Variants in ALLC observed in about 807,000 individuals in gnomAD.
ALLC encodes the protein allantoicase.
In ALLC, 40 loss-of-function variants were observed where a neutral mutation model predicts 45.0. The observed-to-expected ratio is 0.89, with a 90% CI of 0.69 to 1.16. The LOEUF (loss-of-function observed/expected upper bound fraction) is 1.16. Among genes scored for constraint, ALLC ranks in the 50% most tolerant of loss-of-function variants. The pLI, the probability that ALLC is intolerant of heterozygous loss-of-function variation, is 0.00. For missense variants in ALLC, 488 were observed against 493.1 expected (o/e 0.99, Z 0.10); for synonymous variants, 176 against 178.1 (o/e 0.99, Z 0.09).
In ALLC at chr2:3,689,481, A is replaced by T. The variant is rs568798103; in HGVS notation, c.512-6236A>T. Among the ~76,000 whole-genome samples, 211 of 151,102 alleles carry T rather than the reference A, an allele frequency of 1.4e-3. 11 individuals are homozygous for T. The highest frequency in any genetic ancestry group is 2.7e-3 in the Non-Finnish European group (182 of 67,584). ...ACTGACCCATTTGTTGTTCAGGAGC[A>T]TGTTGTTTAATTTACATGTGTTTGT... is the stretch of plus-strand genomic sequence containing the variant. On this transcript the variant is annotated intron_variant, in intron 7 of 11. Coordinates refer to ENST00000252505, the MANE Select transcript of ALLC (RefSeq NM_018436.4).
At chr2:3,669,621 C>T (rs2147996790) in intron 1 of ALLC, among the ~76,000 whole-genome samples, 1 of 152,312 alleles carries the variant, frequency 6.6e-6, no homozygotes, top group African/African-American at 2.4e-5. Flanking sequence ...GCACTCCAGC[C>T]TGGGTGACAG....
At chr2:3,654,801 C>T (rs116744905), upstream of ALLC, among the ~76,000 whole-genome samples, 944 of 152,340 alleles carry the variant, frequency 6.2e-3, 7 homozygotes, top group African/African-American at 0.021. Flanking sequence ...GGGGTCGTGT[C>T]ACAGACAGGG....
intron 2 of ALLC, among the ~76,000 whole-genome samples, chr2:3,673,067 G>T (rs1177191677): frequency 6.6e-6 from 1 of 151,706 alleles, no homozygotes. Flanking sequence ...GGTGGGAGGG[G>T]TGGGGATGGG....
intron 3 of ALLC, among the ~76,000 whole-genome samples, chr2:3,677,554 C>G (rs937821953): frequency 6.6e-6 from 1 of 152,224 alleles, no homozygotes; most frequent in African/African-American, 2.4e-5. Context: ...AGCACGATGG[C>G]TGTTTGCCTT....
At chr2:3,702,176 A>T (rs1018220951) in intron 11 of ALLC, among the ~76,000 whole-genome samples, 187 bp from the exon 12 acceptor site, 1 of 152,172 alleles carries the variant, frequency 6.6e-6, no homozygotes, top group Non-Finnish European at 1.5e-5. Context: ...CTGCTTATTC[A>T]TGTATTATTT....
the ALLC span, among the ~76,000 whole-genome samples, chr2:3,650,612 G>A: frequency 2.0e-5 from 3 of 152,308 alleles, no homozygotes; most frequent in African/African-American, 4.8e-5. Context: ...TCAGCAGTGC[G>A]TGCACCTCCC....
chr2:3,650,994 G>A, the ALLC span, among the ~76,000 whole-genome samples: 1 of 152,206 alleles, frequency 6.6e-6, no homozygotes, highest in Non-Finnish European at 1.5e-5. Context: ...TGCAGAATCT[G>A]ATCTGCAAAG....
At chr2:3,678,631 G>A in intron 4 of ALLC, 76 bp downstream of exon 4, 1 of 1,244,728 alleles carries the variant, frequency 8.0e-7, no homozygotes, top group South Asian at 1.3e-5. Context: ...CAAAGCCAGT[G>A]TCCGTTTTGG....
At chr2:3,649,851 A>G in the ALLC span, among the ~76,000 whole-genome samples, 1 of 152,222 alleles carries the variant, frequency 6.6e-6, no homozygotes, top group Non-Finnish European at 1.5e-5. Context: ...GGGAGAACAA[A>G]CAGACGCCAC....
At chr2:3,701,043 C>T (rs976039604) in intron 10 of ALLC, among the ~76,000 whole-genome samples, 17 of 152,312 alleles carry the variant, frequency 1.1e-4, no homozygotes, top group Middle Eastern at 3.4e-3. Context: ...CCCAAATACA[C>T]GTGTGTGGCT....
intron 6 of ALLC, among the ~76,000 whole-genome samples, chr2:3,682,327 C>T (rs1399812255): frequency 6.6e-6 from 1 of 152,168 alleles, no homozygotes; most frequent in Non-Finnish European, 1.5e-5. Context: ...ATGTTCACCT[C>T]ACCACACCTC....
At chr2:3,651,575 C>T in the ALLC span, among the ~76,000 whole-genome samples, 1 of 151,864 alleles carries the variant, frequency 6.6e-6, no homozygotes, top group Non-Finnish European at 1.5e-5. Context: ...CAGTGGCACC[C>T]ACGTTGTGTC....
chr2:3,649,261 A>C, the ALLC span, among the ~76,000 whole-genome samples: 1 of 124,436 alleles, frequency 8.0e-6, no homozygotes, highest in Non-Finnish European at 1.8e-5. Flanking sequence ...TTTTTTTTTG[A>C]GACGGAGTCT....
At chr2:3,688,004 C>G (rs146081044) in intron 7 of ALLC, 1 of 152,728 alleles carries the variant, frequency 6.5e-6, no homozygotes, top group African/African-American at 2.4e-5. Flanking sequence ...CTTTGGAGGC[C>G]ATGTGGACCA....
intron 10 of ALLC, among the ~76,000 whole-genome samples, 180 bp from the exon 11 acceptor site, chr2:3,701,332 C>T (rs1050819743): frequency 6.6e-6 from 1 of 152,206 alleles, no homozygotes; most frequent in Non-Finnish European, 1.5e-5. Context: ...ATGAGACAAT[C>T]TGAGCCTCAC....
Position 3,671,163 on chromosome 2 carries a change from C to G in ALLC, c.6C>G (p.Asp2Glu). 1 of 1,611,736 alleles carries G rather than the reference C, an allele frequency of 6.2e-7. No individual in the cohort carries two copies. Among genetic ancestry groups the G allele is most frequent in the Non-Finnish European group, 8.5e-7 (1 of 1,179,084 alleles). Residue 2 changes from aspartate to glutamate, a missense_variant, in exon 2 of 12, where the codon GAC becomes GAG. Physicochemically the swap from Asp to Glu is conservative, Grantham distance 45. Coordinates refer to ENST00000252505, the MANE Select transcript of ALLC (RefSeq NM_018436.4). M[D>E]MASESVGGKI... Reference sequence around the variant, plus strand: ...TTCTGGACTTCACCCAGCTGATGGACATGGCATCTGAATCCGTAGGAGGAA... The same window carrying G: ...TTCTGGACTTCACCCAGCTGATGGAGATGGCATCTGAATCCGTAGGAGGAA...
At chr2:3,668,686 C>T (rs1362413288) in intron 1 of ALLC, among the ~76,000 whole-genome samples, 1 of 146,484 alleles carries the variant, frequency 6.8e-6, no homozygotes, top group Non-Finnish European at 1.5e-5. Flanking sequence ...AGTGATTCTC[C>T]TGCCTCAGCG....
At chr2:3,687,979 C>A in intron 7 of ALLC, 1 of 152,166 alleles carries the variant, frequency 6.6e-6, no homozygotes, top group South Asian at 1.8e-4. Context: ...GGCTGGTGGT[C>A]CAGGGGCTCT....
At chr2:3,678,120 G>A (rs1051425027) in intron 3 of ALLC, among the ~76,000 whole-genome samples, 1 of 152,180 alleles carries the variant, frequency 6.6e-6, no homozygotes, top group Admixed American at 6.5e-5. Context: ...TGGCCTGCTT[G>A]GAAATCTGAC....
Sources: gnomAD v4.1 joint callset for allele counts (sites outside exome capture counted in the v4.1 genomes callset) on GRCh38, gnomAD v4.1.1 for gene constraint, MANE v1.5 for transcripts, NCBI Gene and HGNC (gene_info 2026-07-23, HGNC 2026-07-21) for gene names.